WDR7: variants seen among roughly 807,000 people sequenced by gnomAD.
WDR7 encodes WD repeat-containing protein 7.
Under a neutral mutation model 169.4 loss-of-function variants are expected in WDR7, and 46 were observed. The ratio of observed to expected loss-of-function variants is 0.27; its 90% CI spans 0.21 to 0.35. WDR7 has a LOEUF of 0.35. Among genes scored for constraint, WDR7 ranks in the 10% least tolerant of loss-of-function variants. The pLI is 1.00. For missense variants in WDR7, 1,534 were observed against 1,859.3 expected, an observed-to-expected ratio of 0.83 and a Z score of 3.22; for synonymous variants, 612 against 666.8, an observed-to-expected ratio of 0.92 and a Z score of 1.27.
At chr18:57,012,404 T>A (rs993113717) in intron 26 of WDR7, among the ~76,000 whole-genome samples, 5 of 152,100 alleles carry the variant, frequency 3.3e-5, no homozygotes, top group Admixed American at 6.6e-5. Context: ...GGGACCTTCC[T>A]GTGTATGTGG....
At chr18:56,674,072 G>A (rs989837453) in intron 2 of WDR7, among the ~76,000 whole-genome samples, 9 of 152,202 alleles carry the variant, frequency 5.9e-5, no homozygotes, top group Admixed American at 3.9e-4. Context: ...GAGTAATGCT[G>A]CTATGAGTAT....
intron 15 of WDR7, 99 bp downstream of exon 15, chr18:56,757,451 T>C (rs2043911259): frequency 8.1e-7 from 1 of 1,236,606 alleles, no homozygotes; most frequent in South Asian, 1.8e-5. Context: ...CTACACAATT[T>C]TATTATTTCA....
chr18:56,676,544 A>G (rs1414839982), intron 2 of WDR7, among the ~76,000 whole-genome samples: 1 of 152,068 alleles, frequency 6.6e-6, no homozygotes, highest in Non-Finnish European at 1.5e-5. Context: ...TTGTGTATCC[A>G]TTGTATGTTT....
intron 19 of WDR7, among the ~76,000 whole-genome samples, chr18:56,810,215 C>T (rs2044845795): frequency 6.6e-6 from 1 of 152,032 alleles, no homozygotes; most frequent in South Asian, 2.1e-4. Context: ...TTAAAAGCAC[C>T]TATCAGATTT....
intron 23 of WDR7, among the ~76,000 whole-genome samples, chr18:56,937,975 A>G (rs1006961313): frequency 1.3e-5 from 2 of 152,250 alleles, no homozygotes; most frequent in Non-Finnish European, 2.9e-5. Context: ...TAAGGAAGTG[A>G]AAATCTATGT....
At chr18:56,900,887 A>G (rs2046392770) in intron 21 of WDR7, among the ~76,000 whole-genome samples, 1 of 152,158 alleles carries the variant, frequency 6.6e-6, no homozygotes, top group Non-Finnish European at 1.5e-5. Context: ...ATTGACCTCT[A>G]TCAATGAAGC....
At chr18:56,692,494 C>G (rs1028035292) in intron 9 of WDR7, among the ~76,000 whole-genome samples, 1 of 136,376 alleles carries the variant, frequency 7.3e-6, no homozygotes, top group Non-Finnish European at 1.5e-5. Context: ...TCATTCTGAA[C>G]ATTACGTCTC....
intron 26 of WDR7, among the ~76,000 whole-genome samples, chr18:57,000,879 T>G (rs2145885440): frequency 6.6e-6 from 1 of 152,268 alleles, no homozygotes; most frequent in African/African-American, 2.4e-5. Flanking sequence ...ATTCTTTAGC[T>G]TTTCAGTTGA....
rs80238700 is a variant in WDR7, at chr18:57,011,602, A to G, written c.4165-9143A>G. On this transcript the variant is annotated intron_variant, in intron 26 of 27. Coordinates refer to ENST00000254442, the MANE Select transcript of WDR7 (RefSeq NM_015285.3). ...GAAAATGCCAAAACAGGTTGACTTTATAACATAAAGTTGGCATAATGTGAA... is the reference window on the plus strand; with the variant it reads ...GAAAATGCCAAAACAGGTTGACTTTGTAACATAAAGTTGGCATAATGTGAA... Among the ~76,000 whole-genome samples, 1,256 of 152,352 alleles carry G rather than the reference A, an allele frequency of 8.2e-3. 16 individuals are homozygous for G. The highest frequency in any genetic ancestry group is 0.029 in the African/African-American group (1,194 of 41,574).
chr18:56,676,229 T>C (rs1449369339), intron 2 of WDR7, among the ~76,000 whole-genome samples: 1 of 152,220 alleles, frequency 6.6e-6, no homozygotes, highest in Non-Finnish European at 1.5e-5. Flanking sequence ...AATATCTTTT[T>C]TCATCCCTTT....
chr18:56,889,257 A>G (rs1195167587), intron 21 of WDR7, among the ~76,000 whole-genome samples: 3 of 152,200 alleles, frequency 2.0e-5, no homozygotes, highest in African/African-American at 7.2e-5. Context: ...TTCTCTTTCT[A>G]TTTTAACAAA....
intron 25 of WDR7, among the ~76,000 whole-genome samples, chr18:56,947,127 G>A (rs1299646513): frequency 1.3e-5 from 2 of 152,150 alleles, no homozygotes; most frequent in Non-Finnish European, 2.9e-5. Context: ...CCTGTCAGAT[G>A]TTTTATCACT....
chr18:56,967,917 A>G (rs1599202841), intron 26 of WDR7, among the ~76,000 whole-genome samples: 3 of 152,358 alleles, frequency 2.0e-5, no homozygotes, highest in East Asian at 3.9e-4. Flanking sequence ...TTAGGGAATA[A>G]TGACCAAAAA....
rs1419271652 is a variant in WDR7 at position 56,806,926 on chromosome 18, C to T, written c.3191-9105C>T. ...CTTGCTTTACTTATATTGGCAATGC[C>T]AGCCTCTCTGTTACTCAGATCTATC... On this transcript the variant is annotated intron_variant, in intron 19 of 27. Transcript: ENST00000254442. Among the ~76,000 whole-genome samples the T allele has an allele frequency of 2.0e-5, 3 of 152,156 alleles. No homozygotes were observed. In the East Asian group the frequency reaches 5.8e-4, roughly 29 times the overall value.
At chr18:57,002,376 C>T (rs1000618443) in intron 26 of WDR7, among the ~76,000 whole-genome samples, 6 of 152,054 alleles carry the variant, frequency 3.9e-5, no homozygotes, top group Non-Finnish European at 7.4e-5. Context: ...AAAATGTAAA[C>T]TGTGCATTGA....
intron 26 of WDR7, among the ~76,000 whole-genome samples, chr18:56,982,784 C>T (rs1373182959): frequency 6.6e-6 from 1 of 152,182 alleles, no homozygotes; most frequent in African/African-American, 2.4e-5. Flanking sequence ...TTAACTTCTG[C>T]TCATGTTAGG....
chr18:56,843,033 A>C (rs964955844), intron 20 of WDR7, among the ~76,000 whole-genome samples: 1 of 152,140 alleles, frequency 6.6e-6, no homozygotes, highest in Non-Finnish European at 1.5e-5. Context: ...AAGCAGCTGG[A>C]AGCTTTGATT....
intron 23 of WDR7, 29 bp downstream of exon 23, chr18:56,935,934 C>A: frequency 6.3e-7 from 1 of 1,575,576 alleles, no homozygotes; most frequent in Non-Finnish European, 8.7e-7. Context: ...TGTGCTCCAT[C>A]TTCTCATTTA....
intron 16 of WDR7, among the ~76,000 whole-genome samples, chr18:56,765,400 T>A (rs2044047115): frequency 1.3e-5 from 2 of 152,076 alleles, no homozygotes; most frequent in Admixed American, 1.3e-4. Flanking sequence ...TAAGCTAATT[T>A]TTATTATTTT....
Sources: allele counts gnomAD v4.1 joint callset (sites outside exome capture counted in the v4.1 genomes callset), GRCh38; gene constraint gnomAD v4.1.1; transcripts MANE v1.5; gene names NCBI Gene and HGNC (gene_info 2026-07-23, HGNC 2026-07-21).